Variants in CDYL observed in about 807,000 individuals in gnomAD.
CDYL encodes chromodomain Y like.
A neutral mutation model predicts 47.3 loss-of-function variants in CDYL; 8 were observed. The observed-to-expected ratio is 0.17, with a 90% CI of 0.10 to 0.31. The LOEUF (loss-of-function observed/expected upper bound fraction) is 0.31. Ranked by LOEUF, CDYL falls within the 10% of genes least tolerant of loss-of-function variation. CDYL has a pLI of 1.00. For missense variants in CDYL, 471 were observed against 701.4 expected (o/e 0.67, Z 3.71); for synonymous variants, 266 against 265.0 (o/e 1.00, Z -0.04).
intron 5 of CDYL, among the ~76,000 whole-genome samples, chr6:4,947,742 G>A (rs921821146): frequency 4.6e-5 from 7 of 152,178 alleles, no homozygotes; most frequent in African/African-American, 1.7e-4. Flanking sequence ...TAGATTAGGT[G>A]CCAGCGTCCA....
intron 2 of CDYL, among the ~76,000 whole-genome samples, chr6:4,923,009 A>C (rs1405209539): frequency 6.6e-6 from 1 of 152,194 alleles, no homozygotes; most frequent in Non-Finnish European, 1.5e-5. Flanking sequence ...GTACAATATA[A>C]TTTGATATAT....
chr6:4,789,754 C>T (rs975236633), intron 1 of CDYL, among the ~76,000 whole-genome samples: 2 of 152,200 alleles, frequency 1.3e-5, no homozygotes, highest in Non-Finnish European at 2.9e-5. Flanking sequence ...CTCTTTCCCA[C>T]CTACTCTGGG....
intron 1 of CDYL, among the ~76,000 whole-genome samples, chr6:4,839,962 GT>G (rs963701672): frequency 2.6e-5 from 4 of 152,028 alleles, no homozygotes; most frequent in African/African-American, 7.2e-5. Flanking sequence ...AAGAATGATG[GT>G]GGTGTTTTGA....
At chr6:4,793,363 T>A (rs934026006) in intron 1 of CDYL, among the ~76,000 whole-genome samples, 1 of 151,790 alleles carries the variant, frequency 6.6e-6, no homozygotes, top group Admixed American at 6.6e-5. Flanking sequence ...GGGGGTGGTG[T>A]TATTTTTAGG....
chr6:4,888,174 G>A (rs1214218461), intron 1 of CDYL, among the ~76,000 whole-genome samples: 1 of 152,020 alleles, frequency 6.6e-6, no homozygotes, highest in Admixed American at 6.5e-5. Context: ...TTTTGTTTTG[G>A]TATTAGGTAA....
intron 2 of CDYL, among the ~76,000 whole-genome samples, chr6:4,894,655 G>A (rs561859070): frequency 1.3e-5 from 2 of 152,038 alleles, no homozygotes; most frequent in Non-Finnish European, 2.9e-5. Context: ...TCACCACGTT[G>A]GCCAGGCTGG....
intron 1 of CDYL, among the ~76,000 whole-genome samples, chr6:4,837,412 G>A (rs1428385371): frequency 6.6e-6 from 1 of 151,754 alleles, no homozygotes; most frequent in Non-Finnish European, 1.5e-5. Context: ...TTACAATAAA[G>A]GGATCACCTG....
At chr6:4,801,397 G>A (rs887221853) in intron 1 of CDYL, among the ~76,000 whole-genome samples, 19 of 152,310 alleles carry the variant, frequency 1.2e-4, no homozygotes, top group African/African-American at 4.3e-4. Context: ...CATTTTACCT[G>A]CAGAGGGTCA....
chr6:4,769,011 A>G (rs950378431), intron 3 of CDYL, among the ~76,000 whole-genome samples: 5 of 152,210 alleles, frequency 3.3e-5, no homozygotes, highest in Admixed American at 2.6e-4. Context: ...GTACTCTTCA[A>G]AACTGTCAAG....
chr6:4,787,920 C>T (rs373434690), intron 1 of CDYL, among the ~76,000 whole-genome samples: 11 of 151,624 alleles, frequency 7.3e-5, no homozygotes, highest in African/African-American at 1.2e-4. Context: ...TACAGGTGTG[C>T]GCCACCACGC....
At chr6:4,772,467 G>A (rs73360691), upstream of CDYL, among the ~76,000 whole-genome samples, 23 of 152,308 alleles carry the variant, frequency 1.5e-4, no homozygotes, top group African/African-American at 5.1e-4. Flanking sequence ...TCCACTCTAA[G>A]CTTTTAGGGA....
In CDYL at chr6:4,892,276, G is replaced by A; in HGVS notation, c.588G>A (p.Glu196=). 5 of 1,614,186 alleles carry A rather than the reference G, an allele frequency of 3.1e-6. No individual in the cohort carries two copies. Among genetic ancestry groups the A allele is most frequent in the Non-Finnish European group, 4.2e-6 (5 of 1,180,036 alleles). Residue 196 remains glutamate (E), a synonymous_variant, in exon 2 of 7, where the codon GAG becomes GAA. Transcript: ENST00000397588. ...GAGCTTTATTGGGCCCCGGTGCCGA[G>A]AGGGCCAGGATGGGGAGCAGGCCCA... is the stretch of plus-strand genomic sequence containing the variant. The part of the protein sequence containing the change: ...PVGALLGPGA[E]RARMGSRPRI...
chr6:4,797,987 T>C (rs1237776499), intron 1 of CDYL, among the ~76,000 whole-genome samples: 1 of 152,164 alleles, frequency 6.6e-6, no homozygotes, highest in Non-Finnish European at 1.5e-5. Flanking sequence ...TCTTCCTTTT[T>C]TTGGAGACAG....
At chr6:4,771,778 G>A (rs1758341958), upstream of CDYL, among the ~76,000 whole-genome samples, 1 of 152,220 alleles carries the variant, frequency 6.6e-6, no homozygotes, top group African/African-American at 2.4e-5. Flanking sequence ...TGACTTGAGA[G>A]ACAAATGCAA....
chr6:4,785,935 T>C (rs1758743655), intron 1 of CDYL, among the ~76,000 whole-genome samples: 5 of 152,236 alleles, frequency 3.3e-5, no homozygotes, highest in Admixed American at 3.3e-4. Context: ...GTGGGGCCAG[T>C]CCTGCGCCCC....
chr6:4,791,784 G>A (rs989920954), intron 1 of CDYL, among the ~76,000 whole-genome samples: 2 of 151,958 alleles, frequency 1.3e-5, no homozygotes, highest in Admixed American at 6.5e-5. Context: ...CTGGACAGAA[G>A]AGTAGATGTA....
At chr6:4,903,546 TAAAAG>T (rs1757134273) in intron 2 of CDYL, among the ~76,000 whole-genome samples, 1 of 152,196 alleles carries the variant, frequency 6.6e-6, no homozygotes, top group Non-Finnish European at 1.5e-5. Context: ...AGTGAAATAA[TAAAAG>T]AACCCACACG....
intron 5 of CDYL, among the ~76,000 whole-genome samples, chr6:4,945,405 T>C (rs537666294): frequency 1.3e-5 from 2 of 152,276 alleles, no homozygotes; most frequent in Non-Finnish European, 2.9e-5. Flanking sequence ...AGTGCCGCAC[T>C]GGTCTCAGAG....
At position 4,815,250 on chromosome 6, in the gene CDYL, G is replaced by A. The variant is rs551570038; in HGVS notation, c.24+38443G>A. ...ATATGCATATGTTTATGTATATATC[G>A]TGTATCACATAAATAGATTTTTAAA... On this transcript the variant is annotated intron_variant, in intron 1 of 6. Transcript: ENST00000397588. Among the ~76,000 whole-genome samples the A allele has an allele frequency of 4.6e-5, 7 of 152,130 alleles. No individual in the cohort carries two copies. The South Asian group carries it at 6.2e-4, about 14-fold the overall frequency.
Sources: gnomAD v4.1 joint callset for allele counts (sites outside exome capture counted in the v4.1 genomes callset) on GRCh38, gnomAD v4.1.1 for gene constraint, MANE v1.5 for transcripts, NCBI Gene and HGNC (gene_info 2026-07-23, HGNC 2026-07-21) for gene names.